Variants in RPTOR observed in about 807,000 individuals in gnomAD.
The protein encoded by RPTOR is regulatory-associated protein of mTOR.
RPTOR carries 21 observed loss-of-function variants against 169.9 expected under a neutral mutation model. That is an observed-to-expected ratio of 0.12 (90% CI 0.09 to 0.18). RPTOR has a LOEUF of 0.18. Ranked by LOEUF, RPTOR falls within the 10% of genes least tolerant of loss-of-function variation. The pLI is 1.00. For synonymous variants in RPTOR, 732 were observed against 753.2 expected (o/e 0.97, Z 0.46); for missense variants, 1,133 against 1,855.9 (o/e 0.61, Z 7.16).
At chr17:80,619,113 C>T (rs1447752637) in intron 1 of RPTOR, among the ~76,000 whole-genome samples, 1 of 152,036 alleles carries the variant, frequency 6.6e-6, no homozygotes, top group Non-Finnish European at 1.5e-5. Flanking sequence ...AATGAGCGCT[C>T]CCGGGAATTG....
chr17:80,961,442 C>A lies in RPTOR; in HGVS notation c.3654C>A (p.Ser1218=), dbSNP rs1248372053. 1.9e-6 allele frequency: 3 copies of A among 1,551,684 alleles called. No individual in the cohort carries two copies. Among genetic ancestry groups the A allele is most frequent in the Admixed American group, 3.9e-5 (2 of 51,434 alleles). The part of the protein sequence containing the change: ...REHTAWVVKA[S]LQKRPDGHIV... ...ACACAGCCTGGGTGGTGAAGGCCTC[C>A]CTGCAGAAGCGTCCCGACGGCCACA... Residue 1218 remains serine (S), a synonymous_variant, in exon 31 of 34, where the codon TCC becomes TCA. Coordinates refer to ENST00000306801, the MANE Select transcript of RPTOR (RefSeq NM_020761.3).
intron 6 of RPTOR, among the ~76,000 whole-genome samples, chr17:80,765,540 T>G (rs9901049): frequency 0.27 from 41,363 of 152,090 alleles, 5,801 homozygotes; most frequent in African/African-American, 0.33. Flanking sequence ...CCTGTAAGGT[T>G]TGGACTGGCG....
intron 3 of RPTOR, among the ~76,000 whole-genome samples, chr17:80,676,721 G>A (rs540651896): frequency 1.4e-4 from 22 of 152,352 alleles, no homozygotes; most frequent in Non-Finnish European, 2.5e-4. Context: ...GGAAGCCTGC[G>A]TGGTGGCTGA....
intron 24 of RPTOR, among the ~76,000 whole-genome samples, chr17:80,937,899 C>G (rs1470572733): frequency 6.6e-6 from 1 of 152,254 alleles, no homozygotes; most frequent in Non-Finnish European, 1.5e-5. Flanking sequence ...TCTGCCCATG[C>G]TTGTCCTGTG....
intron 1 of RPTOR, among the ~76,000 whole-genome samples, chr17:80,621,947 G>A (rs35081961): frequency 0.18 from 28,059 of 152,258 alleles, 3,001 homozygotes; most frequent in East Asian, 0.28. Context: ...ACTTGGCCAC[G>A]GGAGCAGCAG....
At chr17:80,941,563 AGCCAGCTCTG>A (rs908860112) in intron 25 of RPTOR, among the ~76,000 whole-genome samples, 8 of 152,336 alleles carry the variant, frequency 5.3e-5, no homozygotes, top group Non-Finnish European at 8.8e-5. Flanking sequence ...CCCACCACTG[AGCCAGCTCTG>A]GCTGGGGGAC....
At chr17:80,690,201 C>T (rs2065978894) in intron 3 of RPTOR, among the ~76,000 whole-genome samples, 1 of 151,936 alleles carries the variant, frequency 6.6e-6, no homozygotes, top group African/African-American at 2.4e-5. Context: ...CATCTGTGCC[C>T]CCACCCAGTC....
chr17:80,823,641 TCACACACACACACACA>T lies in RPTOR; in HGVS notation c.1136+441_1136+456del, dbSNP rs3042670. The T allele has an allele frequency of 7.7e-3, 1,216 of 157,082 alleles. 7 individuals carry two copies. Among genetic ancestry groups the T allele is most frequent in the South Asian group, 0.024 (137 of 5,678 alleles). The allele number at this position is 157,082 out of a possible 1,614,324, so 9.7% of individuals were successfully genotyped here. On this transcript the variant is annotated intron_variant, in intron 9 of 33. Coordinates refer to ENST00000306801, the MANE Select transcript of RPTOR (RefSeq NM_020761.3). The surrounding 1 kb of genome is among the most constrained non-coding windows in gnomAD (Gnocchi z 4.5). ...ATCAATTAGTTTTTATGCTTATTTC[TCACACACACACACACA>T]CACACACACACACACACACACAACG...
intron 6 of RPTOR, among the ~76,000 whole-genome samples, chr17:80,769,027 G>T (rs769883261): frequency 4.6e-5 from 7 of 152,154 alleles, no homozygotes; most frequent in African/African-American, 1.7e-4. Context: ...AGATCGAATC[G>T]ATAATGCCTC....
chr17:80,878,319 G>A lies in RPTOR; in HGVS notation c.1510-2096G>A, dbSNP rs1197875226. 1.3e-5 allele frequency among the ~76,000 whole-genome samples: 2 copies of A among 152,072 alleles called. No homozygotes were observed. The highest frequency in any genetic ancestry group is 3.9e-4 in the East Asian group (2 of 5,194). On this transcript the variant is annotated intron_variant, in intron 13 of 33. Coordinates refer to ENST00000306801, the MANE Select transcript of RPTOR (RefSeq NM_020761.3). The surrounding 1 kb of genome is among the most constrained non-coding windows in gnomAD (Gnocchi z 4.1). The stretch of plus-strand genomic sequence containing the variant: ...AGTTTCAGACTGCTTTCACATGCGT[G>A]GTTTCATCTCTGACTCCACGACCTG...
Position 80,885,028 on chromosome 17 carries a change from C to A in RPTOR, c.1863C>A (p.Phe621Leu). ...TGCAGGTCCGCTGCGCAGCGGTCTTCGCCCTTGGCACGTTCGTGGGCAACT... is the reference window on the plus strand; with the variant it reads ...TGCAGGTCCGCTGCGCAGCGGTCTTAGCCCTTGGCACGTTCGTGGGCAACT... ...PIPEVRCAAV[F>L]ALGTFVGNSA... Residue 621 changes from phenylalanine (F) to leucine (L), a missense_variant, in exon 17 of 34, where the codon TTC (phenylalanine) becomes TTA (leucine). Coordinates refer to ENST00000306801, the MANE Select transcript of RPTOR (RefSeq NM_020761.3). The A allele has an allele frequency of 6.2e-7, 1 of 1,609,752 alleles. No homozygotes were observed. The highest frequency in any genetic ancestry group is 8.5e-7 in the Non-Finnish European group (1 of 1,178,822).
chr17:80,815,616 T>C (rs2067314556), intron 7 of RPTOR, among the ~76,000 whole-genome samples: 1 of 152,172 alleles, frequency 6.6e-6, no homozygotes, highest in Non-Finnish European at 1.5e-5. Context: ...CCGGGAGCTG[T>C]GAGATTGATT....
chr17:80,598,308 C>T (rs1460612373), intron 1 of RPTOR, among the ~76,000 whole-genome samples: 2 of 152,064 alleles, frequency 1.3e-5, no homozygotes, highest in African/African-American at 4.8e-5. Flanking sequence ...AGAGAGGCGT[C>T]TAGAAAGAAA....
chr17:80,752,716 T>G (rs377387642), intron 5 of RPTOR, among the ~76,000 whole-genome samples: 138 of 152,342 alleles, frequency 9.1e-4, no homozygotes, highest in Middle Eastern at 3.4e-3. Context: ...TGTTGAATGC[T>G]GTGGTTTTTT....
chr17:80,755,358 T>C (rs1220635650), intron 6 of RPTOR, among the ~76,000 whole-genome samples: 1 of 152,058 alleles, frequency 6.6e-6, no homozygotes, highest in Non-Finnish European at 1.5e-5. Flanking sequence ...CCTAGCACTT[T>C]AGGAGGCTGA....
At chr17:80,550,415 C>T (rs1242342068) in intron 1 of RPTOR, among the ~76,000 whole-genome samples, 1 of 152,180 alleles carries the variant, frequency 6.6e-6, no homozygotes, top group Non-Finnish European at 1.5e-5. Context: ...CAGGGGCACC[C>T]CAGGAATTGA....
At chr17:80,883,691 TG>T in intron 15 of RPTOR, 89 bp from the exon 16 acceptor site, 1 of 1,417,420 alleles carries the variant, frequency 7.1e-7, no homozygotes, top group Non-Finnish European at 9.9e-7. Context: ...TTCCCAAGAA[TG>T]GGTGGCCACC....
chr17:80,842,675 C>T (rs776283816), intron 10 of RPTOR, among the ~76,000 whole-genome samples: 1 of 152,210 alleles, frequency 6.6e-6, no homozygotes, highest in Non-Finnish European at 1.5e-5. Flanking sequence ...CTTGTACTGG[C>T]CATTTATGGT....
intron 18 of RPTOR, among the ~76,000 whole-genome samples, chr17:80,892,264 C>T (rs1339643517): frequency 6.6e-6 from 1 of 152,132 alleles, no homozygotes; most frequent in African/African-American, 2.4e-5. Context: ...CTCATCGCTG[C>T]CGGCAGCCCC....
Sources: gnomAD v4.1 joint callset for allele counts (sites outside exome capture counted in the v4.1 genomes callset) on GRCh38, gnomAD v4.1.1 for gene constraint, Gnocchi (gnomAD v3.1) non-coding constraint, MANE v1.5 for transcripts, NCBI Gene and HGNC (gene_info 2026-07-23, HGNC 2026-07-21) for gene names.